CIITA: variants seen among roughly 807,000 people sequenced by gnomAD.
The protein encoded by CIITA is class II major histocompatibility complex transactivator.
In CIITA, 72 loss-of-function variants were observed where a neutral mutation model predicts 115.1. The ratio of observed to expected loss-of-function variants is 0.63; its 90% CI spans 0.52 to 0.76. The LOEUF (loss-of-function observed/expected upper bound fraction) is 0.76. Ranked by LOEUF, CIITA falls within the 30% of genes least tolerant of loss-of-function variation. CIITA has a pLI of 0.00. For missense variants in CIITA, 1,617 were observed against 1,463.8 expected, an observed-to-expected ratio of 1.10 and a Z score of -1.71; for synonymous variants, 763 against 635.6, an observed-to-expected ratio of 1.20 and a Z score of -3.02.
In CIITA at chr16:10,901,738, T is replaced by A. The variant is rs953377209; in HGVS notation, c.481+180T>A. On this transcript the variant is annotated intron_variant, in intron 6 of 19. Coordinates refer to ENST00000324288, the MANE Select transcript of CIITA (RefSeq NM_000246.4). This position sits in a 1 kb window ranked among gnomAD's most constrained non-coding sequence, Gnocchi z 6.8. ...GTCCTCTAAGGGGCTCACGACTGTT[T>A]GTGGAAGGTGGTAGGGGCTTGGAGC... 4 of 702,356 alleles carry A rather than the reference T, an allele frequency of 5.7e-6. No homozygotes were observed. Among genetic ancestry groups the A allele is most frequent in the Non-Finnish European group, 9.7e-6 (4 of 413,592 alleles). 43.5% of individuals were successfully genotyped at this position (702,356 alleles called of 1,614,324 possible).
In CIITA at chr16:10,931,009, T is replaced by C. The variant is rs895029141; in HGVS notation, c.*7154T>C. ...TGGTCATCCTTGAGCCCATCTCAGA[T>C]TTGTGTGGATAGGGTGTTAGAGAAC... On this transcript the variant is annotated 3_prime_UTR_variant, in exon 20 of 20. Coordinates refer to ENST00000324288, the MANE Select transcript of CIITA (RefSeq NM_000246.4). 1 of 152,198 alleles carries C rather than the reference T, an allele frequency of 6.6e-6. No individual in the cohort carries two copies. The highest frequency in any genetic ancestry group is 2.4e-5 in the African/African-American group (1 of 41,412). 9.4% of individuals were successfully genotyped at this position (152,198 alleles called of 1,614,324 possible). A position where few individuals can be genotyped will look rare whatever the true frequency, so the allele number is the denominator to read the frequency against.
chr16:10,878,915 A>T (rs2036115322), intron 1 of CIITA: 1 of 226,460 alleles, frequency 4.4e-6, no homozygotes, highest in Non-Finnish European at 8.8e-6. Flanking sequence ...AGTGAAAGGG[A>T]AAAAGAACTG....
intron 1 of CIITA, among the ~76,000 whole-genome samples, chr16:10,866,761 C>T (rs1376572457): frequency 2.0e-5 from 3 of 152,186 alleles, no homozygotes; most frequent in African/African-American, 4.8e-5. Flanking sequence ...GAGCGAACGG[C>T]GTGCTTCCCA....
At chr16:10,905,169 AAG>A (rs1330057389) in intron 10 of CIITA, among the ~76,000 whole-genome samples, 4 of 152,246 alleles carry the variant, frequency 2.6e-5, no homozygotes, top group Non-Finnish European at 4.4e-5. Context: ...ACCAGTGAAT[AAG>A]AGAATTACTA....
At chr16:10,878,693 C>G (rs868422406) in intron 1 of CIITA, among the ~76,000 whole-genome samples, 1 of 152,368 alleles carries the variant, frequency 6.6e-6, no homozygotes, top group Non-Finnish European at 1.5e-5. Context: ...TTGCAGATCA[C>G]TTGCCCAAGT....
chr16:10,898,945 G>A lies in CIITA; in HGVS notation c.379G>A (p.Val127Met). ...DIFKHIGPDE[V>M]IGESMEMPAE... Reference sequence around the variant, plus strand: ...AGTAGAGCACATAGGACCAGATGAAGTGATCGGTGAGAGTATGGAGATGCC... The same window carrying A: ...AGTAGAGCACATAGGACCAGATGAAATGATCGGTGAGAGTATGGAGATGCC... Residue 127 changes from valine to methionine, a missense_variant, in exon 5 of 20, where the codon GTG becomes ATG. Coordinates refer to ENST00000324288, the MANE Select transcript of CIITA (RefSeq NM_000246.4). 2 of 1,614,042 alleles carry A rather than the reference G, an allele frequency of 1.2e-6. No individual in the cohort carries two copies. Among genetic ancestry groups the A allele is most frequent in the Non-Finnish European group, 1.7e-6 (2 of 1,180,010 alleles).
intron 13 of CIITA, among the ~76,000 whole-genome samples, chr16:10,913,779 T>C (rs2039754347): frequency 1.3e-5 from 2 of 151,658 alleles, no homozygotes; most frequent in Admixed American, 1.3e-4. Flanking sequence ...CTCTACTAAA[T>C]ATACAAAACA....
In CIITA at chr16:10,909,192, G is replaced by C. The variant is rs772579018; in HGVS notation, c.2816+5G>C. On this transcript the variant is annotated splice_donor_5th_base_variant and intron_variant, in intron 12 of 19. Coordinates refer to ENST00000324288, the MANE Select transcript of CIITA (RefSeq NM_000246.4). ...AAAGCTTGTGCAGACTCAGAGGTGAGAGGAGAGGCGGATGGGAGGTGGTTC... is the reference window on the plus strand; with the variant it reads ...AAAGCTTGTGCAGACTCAGAGGTGACAGGAGAGGCGGATGGGAGGTGGTTC... 8 of 1,614,130 alleles carry C rather than the reference G, an allele frequency of 5.0e-6. No homozygotes were observed. In the Admixed American group the frequency reaches 1.2e-4, roughly 24 times the overall value.
At chr16:10,919,217 G>A (rs928300202) in intron 16 of CIITA, among the ~76,000 whole-genome samples, 1 of 152,016 alleles carries the variant, frequency 6.6e-6, no homozygotes, top group Non-Finnish European at 1.5e-5. Flanking sequence ...TTTTTGAGAT[G>A]GAGTCTCGCT....
At position 10,941,528 on chromosome 16, in the gene CIITA, C is replaced by T; in HGVS notation, n.654C>T. ...GGAATTCCTCCCTCTCCCTTGCTAG[C>T]GCCCCAACCCGCCCTCATCCTGTTC... On this transcript the variant is annotated non_coding_transcript_exon_variant, in exon 2 of 2. Transcript: ENST00000573379. The surrounding 1 kb of genome is among the most constrained non-coding windows in gnomAD (Gnocchi z 6.4). 7.1e-7 allele frequency: 1 copy of T among 1,400,120 alleles called. No homozygotes were observed. 86.7% of individuals were successfully genotyped at this position (1,400,120 alleles called of 1,614,324 possible).
chr16:10,867,634 C>T (rs1438704141), intron 1 of CIITA, among the ~76,000 whole-genome samples: 2 of 152,134 alleles, frequency 1.3e-5, no homozygotes, highest in Non-Finnish European at 2.9e-5. Context: ...TGGTGGCACA[C>T]AATCATCTCA....
intron 1 of CIITA, among the ~76,000 whole-genome samples, chr16:10,887,921 G>A (rs1157456392): frequency 6.6e-6 from 1 of 152,118 alleles, no homozygotes; most frequent in Non-Finnish European, 1.5e-5. Flanking sequence ...CCTCTGGGAA[G>A]AAAACATCTA....
At chr16:10,888,993 A>G (rs559565024) in intron 1 of CIITA, among the ~76,000 whole-genome samples, 1 of 152,348 alleles carries the variant, frequency 6.6e-6, no homozygotes, top group African/African-American at 2.4e-5. Context: ...GGTAATGCCT[A>G]CGAGTCATGT....
intron 1 of CIITA, among the ~76,000 whole-genome samples, chr16:10,881,290 T>A (rs560372316): frequency 6.7e-6 from 1 of 150,116 alleles, no homozygotes; most frequent in Admixed American, 6.6e-5. Flanking sequence ...AGAGCAAGAC[T>A]GTCTCAGGAA....
In CIITA at chr16:10,904,624, AT is replaced by A. The variant is rs1439214345; in HGVS notation, c.938-119del. ...AGATACAGCCTCAGGCCGCTATCTT[AT>A]AACCTCCATCTTGGGAAACTCAGCC... On this transcript the variant is annotated intron_variant, in intron 9 of 19. Transcript: ENST00000324288. 15 of 996,304 alleles carry A rather than the reference AT, an allele frequency of 1.5e-5. No individual in the cohort carries two copies. In the African/African-American group the frequency reaches 2.2e-4, roughly 15 times the overall value. 61.7% of individuals were successfully genotyped at this position (996,304 alleles called of 1,614,324 possible). A position where few individuals can be genotyped will look rare whatever the true frequency, so the allele number is the denominator to read the frequency against.
intron 13 of CIITA, chr16:10,915,007 G>A (rs2039850743): frequency 2.2e-6 from 1 of 454,600 alleles, no homozygotes; most frequent in Non-Finnish European, 4.4e-6. Flanking sequence ...AAAAGCTGGG[G>A]AGCCCCAAGA....
intron 1 of CIITA, among the ~76,000 whole-genome samples, chr16:10,894,662 G>T (rs1253000256): frequency 1.3e-5 from 2 of 152,166 alleles, no homozygotes; most frequent in African/African-American, 2.4e-5. Flanking sequence ...CTTAGAATCT[G>T]CTCAGACTCC....
At position 10,925,582 on chromosome 16, in the gene CIITA, T is replaced by C. The variant is rs985798002; in HGVS notation, c.*1727T>C. On this transcript the variant is annotated 3_prime_UTR_variant, in exon 20 of 20. Transcript: ENST00000324288. ...GCCTCAGCCTCCCAAAGTGCTGGGA[T>C]TACAGGTGTGAACCACCACACCCAG... 1.3e-5 allele frequency: 2 copies of C among 152,470 alleles called. No individual in the cohort carries two copies. The highest frequency in any genetic ancestry group is 4.8e-5 in the African/African-American group (2 of 41,474). The allele number at this position is 152,470 out of a possible 1,614,324, so 9.4% of individuals were successfully genotyped here. A position where few individuals can be genotyped will look rare whatever the true frequency, so the allele number is the denominator to read the frequency against.
chr16:10,881,630 A>C (rs1025029193), intron 1 of CIITA, among the ~76,000 whole-genome samples: 12 of 152,350 alleles, frequency 7.9e-5, no homozygotes, highest in African/African-American at 2.6e-4. Flanking sequence ...TTTTCCGTTT[A>C]TACATGGAAA....
Sources: allele counts gnomAD v4.1 joint callset (sites outside exome capture counted in the v4.1 genomes callset), GRCh38; gene constraint gnomAD v4.1.1; non-coding constraint Gnocchi (gnomAD v3.1); transcripts MANE v1.5; gene names NCBI Gene and HGNC (gene_info 2026-07-23, HGNC 2026-07-21).